NFIA: variants seen among roughly 807,000 people sequenced by gnomAD.
NFIA encodes nuclear factor 1 A-type.
In NFIA, 8 loss-of-function variants were observed where a neutral mutation model predicts 62.8. That is an observed-to-expected ratio of 0.13 (90% CI 0.07 to 0.23). The LOEUF (loss-of-function observed/expected upper bound fraction) is 0.23, where lower values mean the gene tolerates loss of function less well. NFIA is among the 10% of genes least tolerant of loss of function. The pLI is 1.00. For missense variants in NFIA, 410 were observed against 642.1 expected, an observed-to-expected ratio of 0.64 and a Z score of 3.91; for synonymous variants, 235 against 238.1, an observed-to-expected ratio of 0.99 and a Z score of 0.12.
intron 6 of NFIA, among the ~76,000 whole-genome samples, chr1:61,364,363 A>G (rs183170303): frequency 8.3e-4 from 126 of 152,364 alleles, no homozygotes; most frequent in African/African-American, 2.9e-3. Context: ...TGTCTAGCAC[A>G]TAATAGGTAT....
intron 3 of NFIA, among the ~76,000 whole-genome samples, chr1:61,306,424 C>T (rs1358775963): frequency 6.6e-6 from 1 of 151,832 alleles, no homozygotes; most frequent in Non-Finnish European, 1.5e-5. Flanking sequence ...TACAGGCGCA[C>T]ACCACCATGC....
At position 61,438,968 on chromosome 1, in the gene NFIA, C is replaced by T. The variant is rs536458238; in HGVS notation, c.1512+12412C>T. ...CATCCTTTAGCCAAGGTGAAGGCTT[C>T]GTTTTCTGTCCATTCCTAACATGCA... On this transcript the variant is annotated intron_variant, in intron 10 of 10. Transcript: ENST00000403491. Among the ~76,000 whole-genome samples the T allele has an allele frequency of 9.4e-5, 14 of 148,786 alleles. No homozygotes were observed. The South Asian group carries it at 1.7e-3, about 18-fold the overall frequency.
At chr1:61,447,175 A>C (rs554874200) in intron 10 of NFIA, among the ~76,000 whole-genome samples, 1 of 152,344 alleles carries the variant, frequency 6.6e-6, no homozygotes, top group Admixed American at 6.5e-5. Flanking sequence ...TTTTAATGTG[A>C]AAATCAAAAA....
intron 10 of NFIA, among the ~76,000 whole-genome samples, chr1:61,445,189 T>C (rs1667754208): frequency 6.6e-6 from 1 of 152,184 alleles, no homozygotes; most frequent in Non-Finnish European, 1.5e-5. Flanking sequence ...CCAAGAAGCA[T>C]AGATCCCTGA....
In NFIA at chr1:61,136,021, A is replaced by C. The variant is rs1255567328; in HGVS notation, c.559+47341A>C. ...CTTAAAATATATGTTGCTTATTGAA[A>C]GCATTGTTTAAGTTGAACTCACGAG... On this transcript the variant is annotated intron_variant, in intron 2 of 10. Coordinates refer to ENST00000403491, the MANE Select transcript of NFIA (RefSeq NM_001134673.4). 2.6e-5 allele frequency among the ~76,000 whole-genome samples: 4 copies of C among 152,322 alleles called. No homozygotes were observed. The East Asian group carries it at 7.7e-4, about 29-fold the overall frequency.
intron 2 of NFIA, among the ~76,000 whole-genome samples, chr1:61,171,947 G>T (rs1012063472): frequency 3.9e-5 from 6 of 152,170 alleles, no homozygotes; most frequent in Non-Finnish European, 7.3e-5. Context: ...TGAGTGCAGA[G>T]AAAGGAATTT....
intron 2 of NFIA, among the ~76,000 whole-genome samples, chr1:61,135,799 T>C (rs1002633622): frequency 4.6e-5 from 7 of 152,196 alleles, no homozygotes; most frequent in Admixed American, 3.9e-4. Flanking sequence ...CCAGGTTTAC[T>C]GAACCAGGAA....
Position 61,088,299 on chromosome 1 carries a change from T to C in NFIA, c.178T>C (p.Leu60=). 1 of 1,613,106 alleles carries C rather than the reference T, an allele frequency of 6.2e-7. No homozygotes were observed. Among genetic ancestry groups the C allele is most frequent in the Non-Finnish European group, 8.5e-7 (1 of 1,179,810 alleles). Residue 60 remains leucine, a synonymous_variant, in exon 2 of 11, where the codon TTG becomes CTG. Transcript: ENST00000403491. The surrounding 1 kb of genome is among the most constrained non-coding windows in gnomAD (Gnocchi z 4.5). The part of the protein sequence containing the change: ...KEEERAVKDE[L]LSEKPEVKQK... Reference sequence around the variant, plus strand: ...AGAAGAGAGAGCCGTGAAGGATGAATTGCTAAGTGAAAAACCAGAGGTCAA... The same window carrying C: ...AGAAGAGAGAGCCGTGAAGGATGAACTGCTAAGTGAAAAACCAGAGGTCAA...
At chr1:61,171,441 A>G (rs564417284) in intron 2 of NFIA, among the ~76,000 whole-genome samples, 148 of 152,352 alleles carry the variant, frequency 9.7e-4, no homozygotes, top group South Asian at 2.1e-3. Flanking sequence ...AATCAAGTAA[A>G]TGTGGTGACA....
At chr1:61,256,988 T>C (rs1197579858) in intron 2 of NFIA, among the ~76,000 whole-genome samples, 2 of 152,228 alleles carry the variant, frequency 1.3e-5, no homozygotes, top group East Asian at 1.9e-4. Flanking sequence ...CATTTAAGTG[T>C]TATAATTAAA....
chr1:61,402,157 C>A (rs1373442439), intron 7 of NFIA, among the ~76,000 whole-genome samples: 1 of 149,886 alleles, frequency 6.7e-6, no homozygotes, highest in Non-Finnish European at 1.5e-5. Context: ...CCTGCCTCAG[C>A]CTTTGGAGTA....
intron 7 of NFIA, among the ~76,000 whole-genome samples, chr1:61,403,474 T>C (rs1272840458): frequency 1.3e-5 from 2 of 152,234 alleles, no homozygotes; most frequent in African/African-American, 4.8e-5. Flanking sequence ...CTGCTTACCC[T>C]GTGGGTTCCC....
At chr1:61,392,168 G>A (rs775954738) in intron 7 of NFIA, among the ~76,000 whole-genome samples, 4 of 152,094 alleles carry the variant, frequency 2.6e-5, no homozygotes, top group Admixed American at 6.5e-5. Flanking sequence ...AATGGGCAGC[G>A]TTGTGGATGG....
At position 61,462,138 on chromosome 1, in the gene NFIA, C is replaced by T. The variant is rs1404831309; in HGVS notation, c.*6818C>T. 2.7e-5 allele frequency: 4 copies of T among 146,330 alleles called. No homozygotes were observed. The highest frequency in any genetic ancestry group is 2.1e-4 in the East Asian group (1 of 4,802). 9.1% of individuals were successfully genotyped at this position (146,330 alleles called of 1,614,324 possible). A position where few individuals can be genotyped will look rare whatever the true frequency, so the allele number is the denominator to read the frequency against. On this transcript the variant is annotated 3_prime_UTR_variant, in exon 11 of 11. Transcript: ENST00000403491. Reference sequence around the variant, plus strand: ...TGGGACAGAGGCTTGAGAGAACTAACGGCTCGGTGCCTTCTCCCTGGTCTC... The same window carrying T: ...TGGGACAGAGGCTTGAGAGAACTAATGGCTCGGTGCCTTCTCCCTGGTCTC...
intron 6 of NFIA, among the ~76,000 whole-genome samples, chr1:61,361,651 T>C (rs1287678757): frequency 6.6e-6 from 1 of 152,164 alleles, no homozygotes; most frequent in Admixed American, 6.5e-5. Context: ...GTGACTCTTT[T>C]ATTCAGGGCA....
intron 3 of NFIA, among the ~76,000 whole-genome samples, chr1:61,300,946 AG>A (rs1659466799): frequency 6.6e-6 from 1 of 152,158 alleles, no homozygotes; most frequent in Non-Finnish European, 1.5e-5. Context: ...AATTGAACAA[AG>A]GTTCTACCAT....
chr1:61,286,598 A>C (rs979127230), intron 3 of NFIA, among the ~76,000 whole-genome samples: 3 of 152,196 alleles, frequency 2.0e-5, no homozygotes, highest in Non-Finnish European at 4.4e-5. Flanking sequence ...TATCAAATAC[A>C]CTCTAAGAAC....
chr1:61,185,557 A>G (rs979306861), intron 2 of NFIA, among the ~76,000 whole-genome samples: 2 of 152,142 alleles, frequency 1.3e-5, no homozygotes, highest in Non-Finnish European at 2.9e-5. Flanking sequence ...CATCTAGAAT[A>G]AAATCCAAAC....
chr1:61,194,187 C>G (rs1286631385), intron 2 of NFIA, among the ~76,000 whole-genome samples: 2 of 152,118 alleles, frequency 1.3e-5, no homozygotes, highest in African/African-American at 4.8e-5. Context: ...TTTTCCCCAT[C>G]CATTAAGATG....
Sources: gnomAD v4.1 joint callset for allele counts (sites outside exome capture counted in the v4.1 genomes callset) on GRCh38, gnomAD v4.1.1 for gene constraint, Gnocchi (gnomAD v3.1) non-coding constraint, MANE v1.5 for transcripts, NCBI Gene and HGNC (gene_info 2026-07-23, HGNC 2026-07-21) for gene names.